The following IGSF11 variants were observed in gnomAD, a reference collection of about 807,000 sequenced individuals.
IGSF11 encodes CXADR like 1.
In IGSF11, 22 loss-of-function variants were observed where a neutral mutation model predicts 41.0. The ratio of observed to expected loss-of-function variants is 0.54; its 90% CI spans 0.38 to 0.77. IGSF11 has a LOEUF of 0.77. Among genes scored for constraint, IGSF11 ranks in the 30% least tolerant of loss-of-function variants. The pLI, the probability that IGSF11 is intolerant of heterozygous loss-of-function variation, is 0.00. For synonymous variants in IGSF11, 219 were observed against 201.3 expected (o/e 1.09, Z -0.74); for missense variants, 444 against 530.8 (o/e 0.84, Z 1.61).
intron 1 of IGSF11, among the ~76,000 whole-genome samples, chr3:119,118,671 C>T (rs1018229696): frequency 6.6e-6 from 1 of 152,236 alleles, no homozygotes; most frequent in African/African-American, 2.4e-5. Context: ...AATTTCTGCT[C>T]AGAAAAAAAA....
rs1442010473 is a variant in IGSF11 at position 118,980,867 on chromosome 3, G to A, written c.53-50592C>T. ...GTATTTTTTCTCACACTTTATTCTGGTATTTCTTTTTTATCTTCACAATGA... is the reference window on the plus strand; with the variant it reads ...GTATTTTTTCTCACACTTTATTCTGATATTTCTTTTTTATCTTCACAATGA... On this transcript the variant is annotated intron_variant, in intron 1 of 6. Transcript: ENST00000393775. Among the ~76,000 whole-genome samples, 5 of 152,036 alleles carry A rather than the reference G, an allele frequency of 3.3e-5. 1 individual carries two copies. In the East Asian group the frequency reaches 9.6e-4, roughly 29 times the overall value.
intron 1 of IGSF11, among the ~76,000 whole-genome samples, chr3:119,127,856 A>C (rs1469606565): frequency 4.6e-5 from 7 of 152,252 alleles, no homozygotes; most frequent in Non-Finnish European, 7.3e-5. Flanking sequence ...GCAAATGCTA[A>C]GGGATTTCAT....
In IGSF11 at chr3:118,984,479, A is replaced by G. The variant is rs77130023; in HGVS notation, c.52+50052T>C. 9.4e-3 allele frequency among the ~76,000 whole-genome samples: 1,434 copies of G among 152,262 alleles called. 32 individuals carry two copies. Among genetic ancestry groups the G allele is most frequent in the African/African-American group, 0.033 (1,360 of 41,548 alleles). Reference sequence around the variant, plus strand: ...AAAGAGGTTTAAAAGATACATATGAATTGGGAGTAGGGTATAGTGATTGGA... The same window carrying G: ...AAAGAGGTTTAAAAGATACATATGAGTTGGGAGTAGGGTATAGTGATTGGA... On this transcript the variant is annotated intron_variant, in intron 1 of 6. Transcript: ENST00000393775.
At chr3:119,019,033 A>G (rs1939025097) in intron 1 of IGSF11, among the ~76,000 whole-genome samples, 1 of 152,252 alleles carries the variant, frequency 6.6e-6, no homozygotes, top group Non-Finnish European at 1.5e-5. Context: ...AAGCACTTCA[A>G]GTGATGAAGC....
At chr3:118,911,485 G>A (rs980157665) in intron 4 of IGSF11, among the ~76,000 whole-genome samples, 7 of 152,086 alleles carry the variant, frequency 4.6e-5, no homozygotes, top group African/African-American at 1.4e-4. Context: ...GGAGGCCGAC[G>A]CATTTGAGAC....
chr3:119,030,108 A>G (rs1377101715), intron 1 of IGSF11, among the ~76,000 whole-genome samples: 1 of 152,208 alleles, frequency 6.6e-6, no homozygotes, highest in Admixed American at 6.5e-5. Context: ...TTTTCTAAAT[A>G]TAAGTGTCCT....
chr3:119,069,117 CAG>C (rs1251505235), intron 1 of IGSF11, among the ~76,000 whole-genome samples: 1 of 151,762 alleles, frequency 6.6e-6, no homozygotes, highest in Non-Finnish European at 1.5e-5. Context: ...TTAGTAGAGA[CAG>C]AGTTTCACCG....
At chr3:119,138,744 T>C (rs59497665) in intron 1 of IGSF11, among the ~76,000 whole-genome samples, 12,107 of 152,252 alleles carry the variant, frequency 0.08, 639 homozygotes, top group Admixed American at 0.16. Flanking sequence ...GAGATCATAA[T>C]GTTAAGTGAA....
At position 119,058,104 on chromosome 3, in the gene IGSF11, A is replaced by G. The variant is rs534277083; in HGVS notation, c.49+47040T>C. Among the ~76,000 whole-genome samples, 6 of 152,352 alleles carry G rather than the reference A, an allele frequency of 3.9e-5. No homozygotes were observed. In the East Asian group the frequency reaches 7.7e-4, roughly 20 times the overall value. On this transcript the variant is annotated intron_variant, in intron 1 of 6. Transcript: ENST00000354673. The stretch of plus-strand genomic sequence containing the variant: ...TAAAACACCAAAAGCAATGGCAACA[A>G]AAACCAAAATTGACAAATGGGATCT...
At chr3:119,064,999 T>G (rs1017715479) in intron 1 of IGSF11, among the ~76,000 whole-genome samples, 3 of 152,176 alleles carry the variant, frequency 2.0e-5, no homozygotes, top group African/African-American at 7.2e-5. Context: ...TATTCACTTA[T>G]TTTTCTTGCC....
intron 1 of IGSF11, among the ~76,000 whole-genome samples, chr3:118,932,024 C>T (rs1232196353): frequency 1.3e-5 from 2 of 152,110 alleles, no homozygotes; most frequent in Non-Finnish European, 2.9e-5. Context: ...TGAGCCACCG[C>T]ACCTGGCCAA....
At chr3:118,912,983 G>A (rs1288203163) in intron 4 of IGSF11, among the ~76,000 whole-genome samples, 2 of 151,908 alleles carry the variant, frequency 1.3e-5, no homozygotes, top group East Asian at 1.9e-4. Context: ...CTGGATGACA[G>A]AACGAGACTC....
chr3:119,056,757 C>A, intron 1 of IGSF11, among the ~76,000 whole-genome samples: 1 of 152,168 alleles, frequency 6.6e-6, no homozygotes, highest in Non-Finnish European at 1.5e-5. Flanking sequence ...AGCAGCACAT[C>A]AAAAAGCTTA....
intron 4 of IGSF11, among the ~76,000 whole-genome samples, chr3:118,916,686 T>C (rs1379789581): frequency 1.3e-5 from 2 of 151,806 alleles, no homozygotes; most frequent in African/African-American, 4.9e-5. Context: ...CTGTCAACAT[T>C]AGACAGATCA....
intron 1 of IGSF11, among the ~76,000 whole-genome samples, chr3:119,053,702 T>G (rs1439001273): frequency 6.6e-6 from 1 of 152,154 alleles, no homozygotes; most frequent in Non-Finnish European, 1.5e-5. Flanking sequence ...AGGCCCTGCA[T>G]AGCCAAAGCA....
intron 1 of IGSF11, 88 bp downstream of exon 1, chr3:119,034,443 G>T: frequency 8.0e-7 from 1 of 1,250,720 alleles, no homozygotes; most frequent in Non-Finnish European, 1.1e-6. Context: ...GCAAAGCAAG[G>T]AGGCTCTTTG....
intron 1 of IGSF11, among the ~76,000 whole-genome samples, chr3:119,094,223 T>TAAGAAAAAAAAAAAA (rs2076810887): frequency 2.9e-5 from 1 of 35,066 alleles, no homozygotes; most frequent in Non-Finnish European, 5.7e-5. Context: ...CATAGCGAAG[T>TAAGAAAAAAAAAAAA]AAAAAAAAAA....
chr3:119,008,621 T>C (rs1409482925), intron 1 of IGSF11, among the ~76,000 whole-genome samples: 1 of 152,244 alleles, frequency 6.6e-6, no homozygotes, highest in Non-Finnish European at 1.5e-5. Context: ...TGATTCTGAA[T>C]AAGTCCACAG....
At chr3:119,049,363 CAGAG>C (rs1941515027) in intron 1 of IGSF11, among the ~76,000 whole-genome samples, 1 of 151,984 alleles carries the variant, frequency 6.6e-6, no homozygotes, top group South Asian at 2.1e-4. Flanking sequence ...AACAGACAAA[CAGAG>C]AGCCAAATCA....
Sources: gnomAD v4.1 joint callset for allele counts (sites outside exome capture counted in the v4.1 genomes callset) on GRCh38, gnomAD v4.1.1 for gene constraint, MANE v1.5 for transcripts, NCBI Gene and HGNC (gene_info 2026-07-23, HGNC 2026-07-21) for gene names.